MAPK10: variants seen among roughly 807,000 people sequenced by gnomAD.
The protein encoded by MAPK10 is mitogen-activated protein kinase 10.
Under a neutral mutation model 59.3 loss-of-function variants are expected in MAPK10, and 25 were observed. The observed-to-expected ratio is 0.42, with a 90% CI of 0.31 to 0.59. The LOEUF (loss-of-function observed/expected upper bound fraction) is 0.59, where lower values mean the gene tolerates loss of function less well. Ranked by LOEUF, MAPK10 falls within the 20% of genes least tolerant of loss-of-function variation. The pLI, the probability that MAPK10 is intolerant of heterozygous loss-of-function variation, is 0.15. For missense variants in MAPK10, 351 were observed against 568.9 expected (o/e 0.62, Z 3.90); for synonymous variants, 190 against 200.5 (o/e 0.95, Z 0.44).
intron 4 of MAPK10, among the ~76,000 whole-genome samples, chr4:86,134,645 T>C (rs2061565237): frequency 6.6e-6 from 1 of 152,190 alleles, no homozygotes; most frequent in South Asian, 2.1e-4. Flanking sequence ...ACATATTATC[T>C]TTGTCATTCA....
intron 2 of MAPK10, among the ~76,000 whole-genome samples, chr4:86,259,011 A>C (rs902954683): frequency 1.3e-5 from 2 of 152,198 alleles, no homozygotes; most frequent in Non-Finnish European, 2.9e-5. Context: ...CATTTTATAT[A>C]AAGTAATAAC....
At chr4:86,426,549 G>A (rs1747302558) in intron 1 of MAPK10, among the ~76,000 whole-genome samples, 2 of 152,124 alleles carry the variant, frequency 1.3e-5, no homozygotes, top group Non-Finnish European at 2.9e-5. Flanking sequence ...AAGTTGTGTT[G>A]GTTCAACCCA....
At chr4:86,524,300 T>C (rs892793844) in intron 1 of MAPK10, among the ~76,000 whole-genome samples, 54 of 152,204 alleles carry the variant, frequency 3.5e-4, no homozygotes, top group African/African-American at 1.2e-3. Flanking sequence ...CTTTACTCTC[T>C]AACTCTCCTC....
intron 2 of MAPK10, among the ~76,000 whole-genome samples, chr4:86,323,202 A>T (rs1035559305): frequency 3.9e-5 from 6 of 152,138 alleles, no homozygotes; most frequent in African/African-American, 1.4e-4. Flanking sequence ...AAAAATTAGC[A>T]TTTATCATCA....
At chr4:86,370,973 G>A (rs1433717811) in intron 1 of MAPK10, 1 of 152,196 alleles carries the variant, frequency 6.6e-6, no homozygotes, top group East Asian at 1.9e-4. Context: ...TATCTTGTTT[G>A]GATGAGAGTA....
intron 1 of MAPK10, among the ~76,000 whole-genome samples, chr4:86,477,180 C>T (rs1753166613): frequency 6.6e-6 from 1 of 152,154 alleles, no homozygotes; most frequent in South Asian, 2.1e-4. Flanking sequence ...ACTCACTCCA[C>T]ATTACCTTAT....
chr4:86,432,919 T>C (rs1263024173), intron 1 of MAPK10, among the ~76,000 whole-genome samples: 1 of 152,116 alleles, frequency 6.6e-6, no homozygotes, highest in African/African-American at 2.4e-5. Flanking sequence ...AATCCTTAAT[T>C]TGCATAACCA....
chr4:86,547,598 C>T (rs1317361622), intron 1 of MAPK10, among the ~76,000 whole-genome samples: 1 of 152,228 alleles, frequency 6.6e-6, no homozygotes, highest in African/African-American at 2.4e-5. Context: ...CCCTGCTCCA[C>T]AGCACCCAGT....
intron 2 of MAPK10, among the ~76,000 whole-genome samples, chr4:86,297,789 A>G (rs938932100): frequency 1.3e-5 from 2 of 152,122 alleles, no homozygotes; most frequent in Non-Finnish European, 2.9e-5. Context: ...AGAGTGATCG[A>G]TGTCAAACAT....
chr4:86,481,042 C>T (rs1365889001), intron 1 of MAPK10, among the ~76,000 whole-genome samples: 3 of 152,156 alleles, frequency 2.0e-5, no homozygotes, highest in Non-Finnish European at 4.4e-5. Flanking sequence ...TAGGACAAGA[C>T]CTCTATAGAA....
intron 1 of MAPK10, among the ~76,000 whole-genome samples, chr4:86,379,903 C>T (rs1380595938): frequency 3.9e-5 from 6 of 152,050 alleles, no homozygotes; most frequent in African/African-American, 1.4e-4. Context: ...TTAGGGTATC[C>T]CTGACCGAGC....
intron 1 of MAPK10, among the ~76,000 whole-genome samples, chr4:86,466,223 T>C (rs1752186393): frequency 6.6e-6 from 1 of 152,168 alleles, no homozygotes; most frequent in South Asian, 2.1e-4. Flanking sequence ...TTTGGGAAGA[T>C]TGAATTGCAG....
chr4:86,311,767 GA>G (rs1426657643), intron 2 of MAPK10, among the ~76,000 whole-genome samples: 1 of 152,084 alleles, frequency 6.6e-6, no homozygotes, highest in Non-Finnish European at 1.5e-5. Context: ...GACTACTGAA[GA>G]ATTCCACTTT....
At chr4:86,379,634 T>A (rs1740383405) in intron 1 of MAPK10, among the ~76,000 whole-genome samples, 1 of 152,236 alleles carries the variant, frequency 6.6e-6, no homozygotes, top group African/African-American at 2.4e-5. Flanking sequence ...ATCTGTGCCT[T>A]AAGGATGTGC....
Position 86,466,479 on chromosome 4 carries a change from C to T in MAPK10, c.-262-111835G>A, listed in dbSNP as rs563357844. ...GATATGGCCCGTTGTAGGCCACATG[C>T]TATATTTCTGTGTGTGTGTCTTTAA... On this transcript the variant is annotated intron_variant, in intron 1 of 4. Transcript: ENST00000502302. Among the ~76,000 whole-genome samples, 8 of 152,274 alleles carry T rather than the reference C, an allele frequency of 5.3e-5. No individual in the cohort carries two copies. In the South Asian group the frequency reaches 1.0e-3, roughly 20 times the overall value.
intron 4 of MAPK10, among the ~76,000 whole-genome samples, chr4:86,129,249 G>A (rs1477389532): frequency 6.6e-6 from 1 of 152,114 alleles, no homozygotes. Context: ...GTTTATGGTA[G>A]AATTTTCTCT....
intron 1 of MAPK10, among the ~76,000 whole-genome samples, chr4:86,428,906 G>A (rs2149039201): frequency 6.6e-6 from 1 of 152,214 alleles, no homozygotes; most frequent in Admixed American, 6.5e-5. Context: ...CATCTTTCAA[G>A]ATGCAAATTT....
intron 2 of MAPK10, among the ~76,000 whole-genome samples, chr4:86,351,710 G>A (rs749881642): frequency 6.6e-6 from 1 of 151,374 alleles, no homozygotes; most frequent in Non-Finnish European, 1.5e-5. Context: ...TAAGTCCACT[G>A]TTCCTTAACT....
At chr4:86,180,654 A>T (rs1251252599) in intron 3 of MAPK10, among the ~76,000 whole-genome samples, 2 of 152,100 alleles carry the variant, frequency 1.3e-5, no homozygotes, top group Non-Finnish European at 2.9e-5. Context: ...ACTCAATGGA[A>T]TACTACTGAG....
Sources: gnomAD v4.1 joint callset for allele counts (sites outside exome capture counted in the v4.1 genomes callset) on GRCh38, gnomAD v4.1.1 for gene constraint, MANE v1.5 for transcripts, NCBI Gene and HGNC (gene_info 2026-07-23, HGNC 2026-07-21) for gene names.